RABGAP1L: variants seen among roughly 807,000 people sequenced by gnomAD.
RABGAP1L encodes RAB GTPase activating protein 1 like.
Under a neutral mutation model 137.7 loss-of-function variants are expected in RABGAP1L, and 63 were observed. The ratio of observed to expected loss-of-function variants is 0.46; its 90% CI spans 0.37 to 0.56. The LOEUF is 0.56. Among genes scored for constraint, RABGAP1L ranks in the 20% least tolerant of loss-of-function variants. RABGAP1L has a pLI of 0.00. For missense variants in RABGAP1L, 1,095 were observed against 1,244.0 expected (o/e 0.88, Z 1.80); for synonymous variants, 431 against 433.7 (o/e 0.99, Z 0.08).
At position 174,863,751 on chromosome 1, in the gene RABGAP1L, G is replaced by A. The variant is rs528951013; in HGVS notation, c.2340+51791G>A. ...AATCCCAGCACTTTAGGAGGCCAAGGCAGGCAGATCATGAGGTCAAGAGTT... is the reference window on the plus strand; with the variant it reads ...AATCCCAGCACTTTAGGAGGCCAAGACAGGCAGATCATGAGGTCAAGAGTT... On this transcript the variant is annotated intron_variant, in intron 19 of 25. Transcript: ENST00000681986. Among the ~76,000 whole-genome samples the A allele has an allele frequency of 9.2e-5, 14 of 152,070 alleles. No homozygotes were observed. In the South Asian group the frequency reaches 2.5e-3, roughly 27 times the overall value.
At chr1:174,293,744 T>G (rs545335175) in intron 10 of RABGAP1L, among the ~76,000 whole-genome samples, 5 of 152,202 alleles carry the variant, frequency 3.3e-5, no homozygotes, top group Non-Finnish European at 7.4e-5. Flanking sequence ...TGATTTTCAA[T>G]GTTTAGTTTA....
intron 19 of RABGAP1L, among the ~76,000 whole-genome samples, chr1:174,878,104 A>G (rs1488699838): frequency 6.6e-6 from 1 of 152,162 alleles, no homozygotes; most frequent in African/African-American, 2.4e-5. Flanking sequence ...TCAGGATCTT[A>G]GTGTGTGTGC....
intron 10 of RABGAP1L, among the ~76,000 whole-genome samples, chr1:174,298,368 C>T (rs1677330516): frequency 6.6e-6 from 1 of 152,222 alleles, no homozygotes; most frequent in South Asian, 2.1e-4. Flanking sequence ...TTCTCACCTA[C>T]TGTCAGTAGC....
intron 1 of RABGAP1L, among the ~76,000 whole-genome samples, chr1:174,194,652 T>C (rs1256267298): frequency 6.6e-6 from 1 of 152,220 alleles, no homozygotes; most frequent in Non-Finnish European, 1.5e-5. Context: ...AAGATTGTTA[T>C]CAGTTACCTG....
Position 174,304,204 on chromosome 1 carries a change from C to T in RABGAP1L, c.1324-782C>T, listed in dbSNP as rs145457884. Among the ~76,000 whole-genome samples the T allele has an allele frequency of 5.9e-5, 9 of 152,090 alleles. No homozygotes were observed. In the East Asian group the frequency reaches 1.7e-3, roughly 29 times the overall value. On this transcript the variant is annotated intron_variant, in intron 10 of 25. Coordinates refer to ENST00000681986, the MANE Select transcript of RABGAP1L (RefSeq NM_001366446.1). ...GAACATAAGGTCTTTCTTCTTTAGT[C>T]TATTAATATAGTGGATTATGCTGAT...
chr1:174,682,543 A>C (rs998412774), intron 14 of RABGAP1L, among the ~76,000 whole-genome samples: 2 of 152,002 alleles, frequency 1.3e-5, no homozygotes, highest in East Asian at 1.9e-4. Context: ...AATATTTACT[A>C]TCCAAACTTT....
chr1:174,504,408 T>A, intron 13 of RABGAP1L, among the ~76,000 whole-genome samples: 1 of 142,550 alleles, frequency 7.0e-6, no homozygotes, highest in African/African-American at 3.0e-5. Context: ...CAAAGCAAAC[T>A]TGAGGGAAAA....
intron 18 of RABGAP1L, among the ~76,000 whole-genome samples, chr1:174,777,330 AT>A (rs2148749976): frequency 6.6e-6 from 1 of 152,276 alleles, no homozygotes; most frequent in Non-Finnish European, 1.5e-5. Context: ...GCTCAGAACT[AT>A]TGGCATTTTG....
At chr1:174,703,462 C>T (rs1679814314) in intron 17 of RABGAP1L, among the ~76,000 whole-genome samples, 1 of 152,106 alleles carries the variant, frequency 6.6e-6, no homozygotes, top group South Asian at 2.1e-4. Flanking sequence ...ATGTACATAC[C>T]ACATTTTCTT....
At chr1:174,672,801 C>G (rs1001294016) in intron 14 of RABGAP1L, among the ~76,000 whole-genome samples, 12 of 152,030 alleles carry the variant, frequency 7.9e-5, no homozygotes, top group African/African-American at 2.9e-4. Flanking sequence ...TAGTTTTATA[C>G]TACGGTTGGA....
chr1:174,325,162 CT>C (rs1246555941), intron 11 of RABGAP1L, among the ~76,000 whole-genome samples: 1 of 152,200 alleles, frequency 6.6e-6, no homozygotes, highest in East Asian at 1.9e-4. Context: ...ATACAGTTTC[CT>C]GACATGCTTC....
chr1:174,419,562 T>C (rs1651013021), intron 13 of RABGAP1L, among the ~76,000 whole-genome samples: 1 of 152,214 alleles, frequency 6.6e-6, no homozygotes, highest in African/African-American at 2.4e-5. Context: ...TTTGCTTTCA[T>C]TGTAATAGAG....
rs1472833661 is a variant in RABGAP1L, at chr1:174,993,893, G to C, written c.*3892G>C. 6.6e-6 allele frequency: 1 copy of C among 152,094 alleles called. No homozygotes were observed. Among genetic ancestry groups the C allele is most frequent in the East Asian group, 1.9e-4 (1 of 5,198 alleles). 9.4% of individuals were successfully genotyped at this position (152,094 alleles called of 1,614,324 possible). ...GTGAAGAAATTCTGTTGTATGATTT[G>C]AACACTATTAGGTTTGTATGTGTGT... On this transcript the variant is annotated 3_prime_UTR_variant, in exon 26 of 26. Coordinates refer to ENST00000681986, the MANE Select transcript of RABGAP1L (RefSeq NM_001366446.1).
chr1:174,658,922 A>T (rs1480986301), intron 14 of RABGAP1L, among the ~76,000 whole-genome samples: 1 of 152,208 alleles, frequency 6.6e-6, no homozygotes. Flanking sequence ...AAACTGGTAA[A>T]CAAATTGATT....
At chr1:174,798,260 A>C (rs1046284576) in intron 18 of RABGAP1L, among the ~76,000 whole-genome samples, 2 of 146,228 alleles carry the variant, frequency 1.4e-5, no homozygotes, top group Admixed American at 1.4e-4. Flanking sequence ...AAAAAAAAAT[A>C]GCTGGGTGTG....
intron 17 of RABGAP1L, among the ~76,000 whole-genome samples, chr1:174,738,285 G>C (rs1204983102): frequency 6.6e-6 from 1 of 152,110 alleles, no homozygotes; most frequent in Non-Finnish European, 1.5e-5. Flanking sequence ...ACACTTCACT[G>C]GTTATTTCCC....
At chr1:174,879,100 GTT>G (rs75370052) in intron 19 of RABGAP1L, among the ~76,000 whole-genome samples, 24 of 116,342 alleles carry the variant, frequency 2.1e-4, no homozygotes, top group South Asian at 2.8e-4. Flanking sequence ...ACGCCTGGCT[GTT>G]TTTTTTTTTT....
At chr1:174,860,662 A>G (rs564010458) in intron 19 of RABGAP1L, among the ~76,000 whole-genome samples, 19 of 152,292 alleles carry the variant, frequency 1.2e-4, no homozygotes, top group African/African-American at 4.1e-4. Flanking sequence ...TATACCCAGT[A>G]GATTAAACAA....
At chr1:174,934,429 G>C (rs1431624808) in intron 19 of RABGAP1L, among the ~76,000 whole-genome samples, 1 of 152,064 alleles carries the variant, frequency 6.6e-6, no homozygotes, top group East Asian at 1.9e-4. Context: ...CACATCTGAT[G>C]TAAGAATGTA....
Sources: gnomAD v4.1 joint callset for allele counts (sites outside exome capture counted in the v4.1 genomes callset) on GRCh38, gnomAD v4.1.1 for gene constraint, MANE v1.5 for transcripts, NCBI Gene and HGNC (gene_info 2026-07-23, HGNC 2026-07-21) for gene names.